The following ZNF133 variants were observed in gnomAD, a reference collection of about 807,000 sequenced individuals.
The protein encoded by ZNF133 is zinc finger protein 133.
Under a neutral mutation model 54.9 loss-of-function variants are expected in ZNF133, and 26 were observed. That is an observed-to-expected ratio of 0.47 (90% CI 0.35 to 0.66). The LOEUF (loss-of-function observed/expected upper bound fraction) is 0.66, where lower values mean the gene tolerates loss of function less well. Among genes scored for constraint, ZNF133 ranks in the 30% least tolerant of loss-of-function variants. The pLI is 0.01. For synonymous variants in ZNF133, 298 were observed against 320.3 expected (o/e 0.93, Z 0.74); for missense variants, 653 against 820.8 (o/e 0.80, Z 2.50).
At chr20:18,295,095 TGA>T (rs1270755781) in intron 1 of ZNF133, 2 of 152,236 alleles carry the variant, frequency 1.3e-5, no homozygotes, top group African/African-American at 2.4e-5. Flanking sequence ...GAGTTAATTT[TGA>T]GAGTTATTCA....
intron 1 of ZNF133, among the ~76,000 whole-genome samples, chr20:18,294,189 A>C (rs1194463628): frequency 6.6e-6 from 1 of 152,228 alleles, no homozygotes; most frequent in Non-Finnish European, 1.5e-5. Flanking sequence ...CAATATCATG[A>C]ACTCATTGAT....
In ZNF133 at chr20:18,293,642, G is replaced by A. The variant is rs1033393442; in HGVS notation, c.-431-4343G>A. ...GATACTATTGTGTTATAACCCATAGGATAAGATATAAATCCATACTGATAT... is the reference window on the plus strand; with the variant it reads ...GATACTATTGTGTTATAACCCATAGAATAAGATATAAATCCATACTGATAT... On this transcript the variant is annotated intron_variant, in intron 1 of 6. Coordinates refer to ENST00000425686, the MANE Select transcript of ZNF133 (RefSeq NM_001352452.2). Among the ~76,000 whole-genome samples, 9 of 152,158 alleles carry A rather than the reference G, an allele frequency of 5.9e-5. No individual in the cohort carries two copies. In the South Asian group the frequency reaches 1.2e-3, roughly 21 times the overall value.
Position 18,302,358 on chromosome 20 carries a change from G to A in ZNF133, c.-177-2650G>A, listed in dbSNP as rs192596067. The stretch of plus-strand genomic sequence containing the variant: ...GCAGAGCTTGCAGTGAGCCAACATC[G>A]TGCCTCTGCACTCCAGCCTGGGTGA... On this transcript the variant is annotated intron_variant, in intron 3 of 6. Transcript: ENST00000425686. Among the ~76,000 whole-genome samples, 62 of 149,772 alleles carry A rather than the reference G, an allele frequency of 4.1e-4. 1 individual carries two copies. Among genetic ancestry groups the A allele is most frequent in the African/African-American group, 1.5e-3 (59 of 40,540 alleles).
At chr20:18,293,093 G>A (rs1422229472) in intron 1 of ZNF133, among the ~76,000 whole-genome samples, 2 of 152,250 alleles carry the variant, frequency 1.3e-5, no homozygotes, top group Non-Finnish European at 2.9e-5. Flanking sequence ...AGAGGGCGCA[G>A]TATGTCAATA....
chr20:18,310,277 A>C, intron 6 of ZNF133: 1 of 1,533,746 alleles, frequency 6.5e-7, no homozygotes, highest in Non-Finnish European at 8.7e-7. Flanking sequence ...AACCCAAAAT[A>C]TATGTGTAAC....
At chr20:18,308,529 A>G (rs1289217080) in intron 6 of ZNF133, among the ~76,000 whole-genome samples, 1 of 152,184 alleles carries the variant, frequency 6.6e-6, no homozygotes, top group Non-Finnish European at 1.5e-5. Flanking sequence ...TATCTTACTC[A>G]TTAATGAAGT....
At chr20:18,296,881 AG>A (rs1167098143) in intron 1 of ZNF133, among the ~76,000 whole-genome samples, 7 of 152,224 alleles carry the variant, frequency 4.6e-5, no homozygotes, top group Non-Finnish European at 1.0e-4. Context: ...CATTCCCACC[AG>A]CAGTATGCAG....
At chr20:18,304,652 A>G (rs185179536) in intron 3 of ZNF133, among the ~76,000 whole-genome samples, 1 of 152,368 alleles carries the variant, frequency 6.6e-6, no homozygotes, top group Non-Finnish European at 1.5e-5. Context: ...ATATGATTGC[A>G]CTTATTGTAG....
In ZNF133 at chr20:18,315,710, A is replaced by G; in HGVS notation, c.859A>G (p.Ile287Val). The stretch of plus-strand genomic sequence containing the variant: ...CTTTAACCGGAAGTCAACGCTAATC[A>G]TACACGAACGGACACACTCCGGTGA... ...RGFNRKSTLI[I>V]HERTHSGEKP... is the part of the protein sequence containing the mutation. Residue 287 changes from isoleucine to valine, a missense_variant, in exon 7 of 7, where the codon ATA (isoleucine) becomes GTA (valine). Ile to Val is a conservative substitution (Grantham distance 29). Coordinates refer to ENST00000425686, the MANE Select transcript of ZNF133 (RefSeq NM_001352452.2). The G allele has an allele frequency of 1.2e-6, 2 of 1,613,974 alleles. No homozygotes were observed. Among genetic ancestry groups the G allele is most frequent in the Non-Finnish European group, 1.7e-6 (2 of 1,179,894 alleles).
At chr20:18,306,699 T>TA in intron 6 of ZNF133, 1 of 1,346,922 alleles carries the variant, frequency 7.4e-7, no homozygotes, top group Non-Finnish European at 9.8e-7. Context: ...TACTGTTTTT[T>TA]AAAAAGATCA....
chr20:18,311,078 C>G (rs1468558933), intron 6 of ZNF133, among the ~76,000 whole-genome samples: 1 of 123,580 alleles, frequency 8.1e-6, no homozygotes, highest in East Asian at 2.1e-4. Flanking sequence ...ACTCAGGAGG[C>G]TGAGACCAAG....
chr20:18,307,433 G>A (rs2424154), intron 6 of ZNF133, among the ~76,000 whole-genome samples: 151,748 of 152,348 alleles, frequency 1, 75,574 homozygotes, highest in East Asian at 1. Context: ...GTTAAAGATA[G>A]CATTCCATTG....
In ZNF133 at chr20:18,305,579, G is replaced by A; in HGVS notation, c.-6-102G>A. 1 of 1,549,666 alleles carries A rather than the reference G, an allele frequency of 6.5e-7. No individual in the cohort carries two copies. Among genetic ancestry groups the A allele is most frequent in the Non-Finnish European group, 8.8e-7 (1 of 1,136,410 alleles). ...ATGGCACCAGGGTCACTGGGATCTT[G>A]ATATCTCACCTGCCTCCCCCAGGGC... On this transcript the variant is annotated intron_variant, in intron 4 of 6. Transcript: ENST00000425686. This position sits in a 1 kb window ranked among gnomAD's most constrained non-coding sequence, Gnocchi z 4.7.
In ZNF133 at chr20:18,315,378, G is replaced by C; in HGVS notation, c.527G>C (p.Ser176Thr). 1 of 1,614,208 alleles carries C rather than the reference G, an allele frequency of 6.2e-7. No homozygotes were observed. Among genetic ancestry groups the C allele is most frequent in the African/African-American group, 1.3e-5 (1 of 75,058 alleles). Residue 176 changes from serine to threonine, a missense_variant, in exon 7 of 7, where the codon AGC becomes ACC. Ser to Thr is a moderately conservative substitution (Grantham distance 58, BLOSUM62 1). Coordinates refer to ENST00000425686, the MANE Select transcript of ZNF133 (RefSeq NM_001352452.2). ...FSRPPQRQPVSSRNGLRGVEL... is the reference protein window; with the variant it reads ...FSRPPQRQPVTSRNGLRGVEL... ...AGGCCACCCCAGAGGCAGCCAGTCA[G>C]CTCTCGGAACGGCCTCAGAGGGGTG...
chr20:18,306,386 C>T lies in ZNF133; in HGVS notation c.210C>T (p.Thr70=), dbSNP rs1335851228. The part of the protein sequence containing the change: ...WREEKKCSPA[T]CPADPEPELY... ...AGGAAAAAAAATGTTCACCGGCAAC[C>T]TGTCCAGGTGAGTGGGAAAACACTG... Residue 70 remains threonine (T), a synonymous_variant, in exon 6 of 7, where the codon ACC becomes ACT. Transcript: ENST00000425686. 1 of 1,613,008 alleles carries T rather than the reference C, an allele frequency of 6.2e-7. No homozygotes were observed. The highest frequency in any genetic ancestry group is 1.3e-5 in the African/African-American group (1 of 74,928).
chr20:18,312,949 A>T (rs1488447594), intron 6 of ZNF133: 1 of 148,050 alleles, frequency 6.8e-6, no homozygotes, highest in Admixed American at 6.9e-5. Flanking sequence ...ACCTCAAGTG[A>T]TCCACTCGAC....
intron 1 of ZNF133, among the ~76,000 whole-genome samples, chr20:18,297,257 C>A (rs748316534): frequency 6.6e-6 from 1 of 152,044 alleles, no homozygotes; most frequent in African/African-American, 2.4e-5. Context: ...AAGTGCTCGT[C>A]ATGTTTTCAT....
At chr20:18,289,711 G>A (rs114081848) in intron 1 of ZNF133, among the ~76,000 whole-genome samples, 3,017 of 152,266 alleles carry the variant, frequency 0.02, 109 homozygotes, top group African/African-American at 0.068. Context: ...TCCTACAGTG[G>A]CTGTAACAGT....
chr20:18,314,678 CAT>C (rs1291471087), intron 6 of ZNF133: 1 of 164,022 alleles, frequency 6.1e-6, no homozygotes, highest in African/African-American at 2.4e-5. Flanking sequence ...GACATTTCCA[CAT>C]GAGTCCTAGG....
Sources: allele counts gnomAD v4.1 joint callset (sites outside exome capture counted in the v4.1 genomes callset), GRCh38; gene constraint gnomAD v4.1.1; non-coding constraint Gnocchi (gnomAD v3.1); transcripts MANE v1.5; gene names NCBI Gene and HGNC (gene_info 2026-07-23, HGNC 2026-07-21).